TDRD10: variants seen among roughly 807,000 people sequenced by gnomAD.
The protein encoded by TDRD10 is tudor domain containing 10.
TDRD10 carries 40 observed loss-of-function variants against 48.0 expected under a neutral mutation model. The ratio of observed to expected loss-of-function variants is 0.83; its 90% confidence interval spans 0.65 to 1.09. TDRD10 has a LOEUF of 1.09. Ranked by LOEUF, TDRD10 falls within the 50% of genes least tolerant of loss-of-function variation. TDRD10 has a pLI of 0.00. For synonymous variants in TDRD10, 162 were observed against 170.4 expected (o/e 0.95, Z 0.38); for missense variants, 378 against 434.7 (o/e 0.87, Z 1.16).
chr1:154,532,081 G>T (rs939586642), intron 6 of TDRD10, among the ~76,000 whole-genome samples: 1 of 152,232 alleles, frequency 6.6e-6, no homozygotes, highest in African/African-American at 2.4e-5. Flanking sequence ...GGCGGGTGCT[G>T]TGCGCCCACA....
intron 6 of TDRD10, 139 bp downstream of exon 6, chr1:154,521,618 G>T: frequency 1.0e-6 from 1 of 989,080 alleles, no homozygotes; most frequent in Non-Finnish European, 1.5e-6. Flanking sequence ...GTGAAGTCAG[G>T]GAACTTTTAT....
At chr1:154,546,748 C>A (rs1380820712) in intron 11 of TDRD10, among the ~76,000 whole-genome samples, 1 of 152,168 alleles carries the variant, frequency 6.6e-6, no homozygotes, top group African/African-American at 2.4e-5. Flanking sequence ...CCAGAGTCCC[C>A]AACCCAGAGA....
chr1:154,524,605 GT>G, intron 6 of TDRD10, among the ~76,000 whole-genome samples: 1 of 152,286 alleles, frequency 6.6e-6, no homozygotes, highest in African/African-American at 2.4e-5. Flanking sequence ...CCTATTAAGG[GT>G]TTTTGTGTGT....
At chr1:154,517,083 G>A (rs1028246903) in intron 4 of TDRD10, among the ~76,000 whole-genome samples, 2 of 152,168 alleles carry the variant, frequency 1.3e-5, no homozygotes, top group African/African-American at 4.8e-5. Flanking sequence ...GAGTGTAGTT[G>A]GAGAACCAGA....
intron 6 of TDRD10, among the ~76,000 whole-genome samples, chr1:154,531,559 C>T (rs537541656): frequency 2.0e-5 from 3 of 152,220 alleles, no homozygotes; most frequent in South Asian, 2.1e-4. Flanking sequence ...CCAGTGGGTT[C>T]GCGGTCTCGC....
intron 6 of TDRD10, among the ~76,000 whole-genome samples, chr1:154,533,352 GGTT>G (rs1157554084): frequency 3.8e-4 from 51 of 133,730 alleles, no homozygotes; most frequent in East Asian, 1.2e-3. Flanking sequence ...GCTTTTGTTG[GGTT>G]TTTTTTTTTT....
chr1:154,522,186 A>G (rs572709958), intron 6 of TDRD10, among the ~76,000 whole-genome samples: 1 of 152,262 alleles, frequency 6.6e-6, no homozygotes, highest in African/African-American at 2.4e-5. Context: ...GGGTTGCTAT[A>G]TGGTGGTATC....
chr1:154,542,632 C>A, intron 7 of TDRD10, 99 bp from the exon 8 acceptor site: 1 of 883,176 alleles, frequency 1.1e-6, no homozygotes, highest in Non-Finnish European at 1.8e-6. Context: ...CCATTTTATG[C>A]TTCCTTGGAG....
intron 2 of TDRD10, 43 bp downstream of exon 2, chr1:154,506,948 C>CCCCAGCCT: frequency 6.2e-7 from 1 of 1,614,096 alleles, no homozygotes; most frequent in Non-Finnish European, 8.5e-7. Flanking sequence ...TCGCTCCATC[C>CCCCAGCCT]CCCAGCCTTC....
At chr1:154,530,978 A>G (rs1044697054) in intron 6 of TDRD10, among the ~76,000 whole-genome samples, 1 of 151,010 alleles carries the variant, frequency 6.6e-6, no homozygotes, top group Non-Finnish European at 1.5e-5. Context: ...AGCTGGGATT[A>G]CAGGGACCTG....
chr1:154,504,131 T>A (rs148231975), intron 1 of TDRD10, among the ~76,000 whole-genome samples: 1 of 152,252 alleles, frequency 6.6e-6, no homozygotes, highest in Non-Finnish European at 1.5e-5. Flanking sequence ...AGTGGAATCA[T>A]GCAATATGTG....
chr1:154,534,864 A>G (rs765256867), intron 6 of TDRD10, among the ~76,000 whole-genome samples: 1 of 152,234 alleles, frequency 6.6e-6, no homozygotes, highest in Non-Finnish European at 1.5e-5. Context: ...GGGAGAGATT[A>G]TCAAATGATA....
chr1:154,528,532 AT>A (rs1481287461), intron 6 of TDRD10, among the ~76,000 whole-genome samples: 1 of 151,776 alleles, frequency 6.6e-6, no homozygotes, highest in Admixed American at 6.6e-5. Context: ...GCCAAAAAAA[AT>A]TTTTTTAACA....
intron 6 of TDRD10, among the ~76,000 whole-genome samples, chr1:154,527,855 T>A (rs1272026859): frequency 1.3e-5 from 2 of 152,370 alleles, no homozygotes; most frequent in Admixed American, 6.5e-5. Context: ...ATGTTTTTTT[T>A]AATTACACTT....
intron 6 of TDRD10, among the ~76,000 whole-genome samples, chr1:154,541,667 C>A (rs1235874580): frequency 1.3e-5 from 2 of 152,176 alleles, no homozygotes; most frequent in Non-Finnish European, 2.9e-5. Context: ...ACTTCTTTTC[C>A]TCCCTGCAGG....
At chr1:154,509,865 G>A (rs977147102) in intron 4 of TDRD10, 36 of 985,192 alleles carry the variant, frequency 3.7e-5, no homozygotes, top group Non-Finnish European at 4.1e-5. Context: ...GCAGTGGTCT[G>A]GGGAGGTAAG....
chr1:154,507,297 T>TG lies in TDRD10; in HGVS notation c.60dup (p.Leu21ValfsTer27). The TG allele has an allele frequency of 1.2e-6, 2 of 1,613,888 alleles. No individual in the cohort carries two copies. The highest frequency in any genetic ancestry group is 1.7e-6 in the Non-Finnish European group (2 of 1,179,990). The stretch of plus-strand genomic sequence containing the variant: ...GATAAACTGTTTGGGAAGAATGGAG[T>TG]GTTGGAGGAGCAGAAATCTCCAGGT... On this transcript the variant is annotated frameshift_variant, in exon 3 of 13. Transcript: ENST00000368482. LOFTEE classifies it high-confidence loss of function.
At chr1:154,503,303 T>C (rs1221146497) in intron 1 of TDRD10, among the ~76,000 whole-genome samples, 1 of 151,994 alleles carries the variant, frequency 6.6e-6, no homozygotes, top group Non-Finnish European at 1.5e-5. Context: ...AAAAGCTTTC[T>C]GAGGCCGGGC....
chr1:154,536,832 A>G (rs1261018625), intron 6 of TDRD10, among the ~76,000 whole-genome samples: 1 of 152,222 alleles, frequency 6.6e-6, no homozygotes, highest in African/African-American at 2.4e-5. Flanking sequence ...TGGTTGCACC[A>G]TCAGCAGTTC....
Sources: gnomAD v4.1 joint callset for allele counts (sites outside exome capture counted in the v4.1 genomes callset) on GRCh38, gnomAD v4.1.1 for gene constraint, MANE v1.5 for transcripts, NCBI Gene and HGNC (gene_info 2026-07-23, HGNC 2026-07-21) for gene names.